HPCAL1: variants seen among roughly 807,000 people sequenced by gnomAD.
HPCAL1 encodes the protein hippocalcin like 1.
A neutral mutation model predicts 17.1 loss-of-function variants in HPCAL1; 8 were observed. The ratio of observed to expected loss-of-function variants is 0.47; its 90% CI spans 0.27 to 0.84. The LOEUF is 0.84. HPCAL1 is among the 40% of genes least tolerant of loss of function. The probability of loss-of-function intolerance (pLI) is 0.13; values close to 1 mark genes in which losing one functional copy is unlikely to be tolerated. For synonymous variants in HPCAL1, 112 were observed against 111.4 expected, an observed-to-expected ratio of 1.01 and a Z score of -0.03; for missense variants, 165 against 271.1, an observed-to-expected ratio of 0.61 and a Z score of 2.75.
At chr2:10,351,713 C>T (rs1168597558) in intron 1 of HPCAL1, among the ~76,000 whole-genome samples, 4 of 151,820 alleles carry the variant, frequency 2.6e-5, no homozygotes, top group African/African-American at 9.7e-5. Context: ...GAGCCATGAT[C>T]GTGCCACTGC....
In HPCAL1 at chr2:10,419,782, C is replaced by A. The variant is rs778267644; in HGVS notation, c.25C>A (p.Arg9=). 1.9e-6 allele frequency: 3 copies of A among 1,612,100 alleles called. No individual in the cohort carries two copies. In the African/African-American group the frequency reaches 4.0e-5, roughly 22 times the overall value. The change falls in exon 3 of 5, where the codon CGG becomes AGG. Residue 9 remains arginine, a synonymous_variant. Transcript: ENST00000307845. The surrounding 1 kb of genome is among the most constrained non-coding windows in gnomAD (Gnocchi z 5.0). ...CATGGGCAAACAGAACAGCAAGCTG[C>A]GGCCCGAGGTGCTGCAGGACCTGCG... is the stretch of plus-strand genomic sequence containing the variant. MGKQNSKL[R]PEVLQDLREN...
intron 1 of HPCAL1, among the ~76,000 whole-genome samples, chr2:10,305,831 C>T (rs979428858): frequency 1.1e-4 from 17 of 152,234 alleles, no homozygotes; most frequent in Admixed American, 1.0e-3. Flanking sequence ...GACTGGACTT[C>T]GCTTGGTGCA....
Position 10,383,490 on chromosome 2 carries a change from G to A in HPCAL1, c.-110-13345G>A, listed in dbSNP as rs866096161. Among the ~76,000 whole-genome samples the A allele has an allele frequency of 2.6e-5, 4 of 152,178 alleles. No homozygotes were observed. In the South Asian group the frequency reaches 6.2e-4, roughly 24 times the overall value. ...CAATTCTTTTGCCTCAGCCTGCCAA[G>A]TAGCTGCGATTACAGGCACCTGCCA... On this transcript the variant is annotated intron_variant, in intron 1 of 4. Coordinates refer to ENST00000307845, the MANE Select transcript of HPCAL1 (RefSeq NM_002149.4).
rs1198504400 is a variant in HPCAL1 at position 10,354,428 on chromosome 2, T to C, written c.-110-42407T>C. 1 of 152,232 alleles carries C rather than the reference T, an allele frequency of 6.6e-6. No individual in the cohort carries two copies. The highest frequency in any genetic ancestry group is 1.5e-5 in the Non-Finnish European group (1 of 68,044). The allele number at this position is 152,232 out of a possible 1,614,324, so 9.4% of individuals were successfully genotyped here. A position where few individuals can be genotyped will look rare whatever the true frequency, so the allele number is the denominator to read the frequency against. ...CTGTTCACTTGAACAGAGTCTTCAATGTCTTCTAGTGAATTCTGGGCTGAA... is the reference window on the plus strand; with the variant it reads ...CTGTTCACTTGAACAGAGTCTTCAACGTCTTCTAGTGAATTCTGGGCTGAA... On this transcript the variant is annotated intron_variant, in intron 1 of 4. Coordinates refer to ENST00000307845, the MANE Select transcript of HPCAL1 (RefSeq NM_002149.4). This position sits in a 1 kb window ranked among gnomAD's most constrained non-coding sequence, Gnocchi z 5.1.
rs571920549 is a variant in HPCAL1 at position 10,384,542 on chromosome 2, A to C, written c.-110-12293A>C. ...CCTCCCCCATGGGGCTACAGATGCT[A>C]ATCTGCAAATCCCAGAAAAGTGGAA... is the stretch of plus-strand genomic sequence containing the variant. On this transcript the variant is annotated intron_variant, in intron 1 of 4. Coordinates refer to ENST00000307845, the MANE Select transcript of HPCAL1 (RefSeq NM_002149.4). The surrounding 1 kb of genome is among the most constrained non-coding windows in gnomAD (Gnocchi z 4.4). Among the ~76,000 whole-genome samples, 7 of 151,864 alleles carry C rather than the reference A, an allele frequency of 4.6e-5. No individual in the cohort carries two copies. The highest frequency in any genetic ancestry group is 1.7e-4 in the African/African-American group (7 of 41,384).
At position 10,354,599 on chromosome 2, in the gene HPCAL1, C is replaced by T. The variant is rs934275840; in HGVS notation, c.-110-42236C>T. Reference sequence around the variant, plus strand: ...CAGCCATGGCCGAGGTGTCGGGACTCAAATTCCGGGCCCTTGGCTGTGCTT... The same window carrying T: ...CAGCCATGGCCGAGGTGTCGGGACTTAAATTCCGGGCCCTTGGCTGTGCTT... On this transcript the variant is annotated intron_variant, in intron 1 of 4. Coordinates refer to ENST00000307845, the MANE Select transcript of HPCAL1 (RefSeq NM_002149.4). This position sits in a 1 kb window ranked among gnomAD's most constrained non-coding sequence, Gnocchi z 5.1. Among the ~76,000 whole-genome samples, 1 of 152,260 alleles carries T rather than the reference C, an allele frequency of 6.6e-6. No homozygotes were observed. Among genetic ancestry groups the T allele is most frequent in the African/African-American group, 2.4e-5 (1 of 41,468 alleles).
chr2:10,320,078 C>T (rs1321098685), intron 1 of HPCAL1, among the ~76,000 whole-genome samples: 1 of 152,068 alleles, frequency 6.6e-6, no homozygotes, highest in Non-Finnish European at 1.5e-5. Context: ...CTTGGGGTTG[C>T]CTCCTCCAAG....
At position 10,424,222 on chromosome 2, in the gene HPCAL1, G is replaced by A. The variant is rs533228104; in HGVS notation, c.484+1134G>A. 120 of 322,522 alleles carry A rather than the reference G, an allele frequency of 3.7e-4. 3 individuals carry two copies. The highest frequency in any genetic ancestry group is 2.7e-3 in the South Asian group (109 of 40,068). The allele number at this position is 322,522 out of a possible 1,614,324, so 20.0% of individuals were successfully genotyped here. On this transcript the variant is annotated intron_variant, in intron 4 of 4. Coordinates refer to ENST00000307845, the MANE Select transcript of HPCAL1 (RefSeq NM_002149.4). Reference sequence around the variant, plus strand: ...GTTAAGCATGGCCCCAGCGGGAGACGGGATGTGGGGGAGCTGTAAGCAGCA... The same window carrying A: ...GTTAAGCATGGCCCCAGCGGGAGACAGGATGTGGGGGAGCTGTAAGCAGCA...
At chr2:10,421,224 C>T (rs1388602842) in intron 3 of HPCAL1, among the ~76,000 whole-genome samples, 3 of 152,260 alleles carry the variant, frequency 2.0e-5, no homozygotes, top group Non-Finnish European at 2.9e-5. Context: ...CAGCTCAGCA[C>T]GGGAAAGACG....
At chr2:10,373,355 T>A (rs1667348688) in intron 1 of HPCAL1, among the ~76,000 whole-genome samples, 1 of 152,130 alleles carries the variant, frequency 6.6e-6, no homozygotes, top group South Asian at 2.1e-4. Flanking sequence ...AGGTCCCAGT[T>A]CATGATGGCA....
chr2:10,392,809 G>A (rs1668790886), intron 1 of HPCAL1, among the ~76,000 whole-genome samples: 1 of 152,208 alleles, frequency 6.6e-6, no homozygotes, highest in South Asian at 2.1e-4. Context: ...ATTCTCCAGA[G>A]ACTCGGAGAG....
At chr2:10,392,122 A>T (rs1668737190) in intron 1 of HPCAL1, among the ~76,000 whole-genome samples, 5 of 152,134 alleles carry the variant, frequency 3.3e-5, no homozygotes, top group Admixed American at 3.3e-4. Context: ...AGCTCACTGC[A>T]GCCTTGAACT....
intron 1 of HPCAL1, among the ~76,000 whole-genome samples, chr2:10,353,148 C>T (rs558749804): frequency 6.6e-6 from 1 of 152,306 alleles, no homozygotes; most frequent in East Asian, 1.9e-4. Flanking sequence ...CAGAAAAAGG[C>T]CGCTATGCCT....
chr2:10,418,446 C>CAAAAAA (rs58884767), intron 2 of HPCAL1, among the ~76,000 whole-genome samples: 15 of 60,146 alleles, frequency 2.5e-4, no homozygotes, highest in East Asian at 4.7e-4. Context: ...GACTCCATCT[C>CAAAAAA]AAAAAAAAAA....
intron 1 of HPCAL1, among the ~76,000 whole-genome samples, chr2:10,309,116 C>A (rs181295351): frequency 2.2e-4 from 34 of 152,034 alleles, no homozygotes; most frequent in Non-Finnish European, 4.1e-4. Context: ...CTCACTGCAG[C>A]CTTGAACTCC....
chr2:10,337,502 A>C (rs1416787079), intron 1 of HPCAL1, among the ~76,000 whole-genome samples: 2 of 152,192 alleles, frequency 1.3e-5, no homozygotes, highest in Non-Finnish European at 2.9e-5. Context: ...CTATAACAGC[A>C]TATCTAGCTT....
chr2:10,399,599 C>G (rs1014899531), intron 2 of HPCAL1, among the ~76,000 whole-genome samples: 10 of 138,654 alleles, frequency 7.2e-5, no homozygotes, highest in African/African-American at 2.6e-4. Context: ...CCGCCACCAC[C>G]ACCACCACGA....
chr2:10,378,029 C>A (rs11679891), intron 1 of HPCAL1, among the ~76,000 whole-genome samples: 64,791 of 151,784 alleles, frequency 0.43, 14,764 homozygotes, highest in Middle Eastern at 0.61. Flanking sequence ...TGTGACCTCA[C>A]GACAGGCTGG....
chr2:10,364,982 G>A (rs867739537), intron 1 of HPCAL1, among the ~76,000 whole-genome samples: 1 of 152,156 alleles, frequency 6.6e-6, no homozygotes, highest in Non-Finnish European at 1.5e-5. Flanking sequence ...TCTACAATGT[G>A]AGCTTGTACA....
Sources: gnomAD v4.1 joint callset for allele counts (sites outside exome capture counted in the v4.1 genomes callset) on GRCh38, gnomAD v4.1.1 for gene constraint, Gnocchi (gnomAD v3.1) non-coding constraint, MANE v1.5 for transcripts, NCBI Gene and HGNC (gene_info 2026-07-23, HGNC 2026-07-21) for gene names.